The following ATXN7L1 variants were observed in gnomAD, a reference collection of about 807,000 sequenced individuals.
ATXN7L1 encodes ataxin 7 like 1.
In ATXN7L1, 15 loss-of-function variants were observed where a neutral mutation model predicts 70.8. The ratio of observed to expected loss-of-function variants is 0.21; its 90% CI spans 0.14 to 0.33. The LOEUF (loss-of-function observed/expected upper bound fraction) is 0.33. ATXN7L1 is among the 10% of genes least tolerant of loss of function. The pLI is 1.00. For synonymous variants in ATXN7L1, 440 were observed against 445.1 expected, an observed-to-expected ratio of 0.99 and a Z score of 0.14; for missense variants, 975 against 1,097.1, an observed-to-expected ratio of 0.89 and a Z score of 1.57.
At chr7:105,828,276 A>G (rs1336187078) in intron 2 of ATXN7L1, among the ~76,000 whole-genome samples, 1 of 152,190 alleles carries the variant, frequency 6.6e-6, no homozygotes, top group East Asian at 1.9e-4. Context: ...GTTAAGGAAC[A>G]TGGTATTCAG....
In ATXN7L1 at chr7:105,862,060, G is replaced by C. The variant is rs184612988; in HGVS notation, c.250+13752C>G. 2.4e-3 allele frequency among the ~76,000 whole-genome samples: 362 copies of C among 152,314 alleles called. 2 individuals carry two copies. The highest frequency in any genetic ancestry group is 8.2e-3 in the African/African-American group (341 of 41,566). On this transcript the variant is annotated intron_variant, in intron 2 of 11. Transcript: ENST00000419735. ...CAATGATGGAAGGAGTAACTCAAGG[G>C]AACAGAAGCCTGGAGTCTGGGGACT...
Position 105,607,472 on chromosome 7 carries a change from G to A in ATXN7L1, c.*380C>T, listed in dbSNP as rs943650761. ...GCTCTGCCTGTGCTACAGTTCAAGA[G>A]CTTCAGAGCATGCCAACCTGGAACC... On this transcript the variant is annotated 3_prime_UTR_variant, in exon 12 of 12. Coordinates refer to ENST00000419735, the MANE Select transcript of ATXN7L1 (RefSeq NM_020725.2). 4.6e-5 allele frequency: 11 copies of A among 241,198 alleles called. No individual in the cohort carries two copies. Among genetic ancestry groups the A allele is most frequent in the African/African-American group, 2.5e-4 (11 of 44,686 alleles). 14.9% of individuals were successfully genotyped at this position (241,198 alleles called of 1,614,324 possible).
intron 3 of ATXN7L1, among the ~76,000 whole-genome samples, chr7:105,706,547 C>A (rs1305726735): frequency 6.6e-6 from 1 of 151,974 alleles, no homozygotes; most frequent in Admixed American, 6.6e-5. Context: ...GCAAAAAACA[C>A]CACCACCACC....
intron 3 of ATXN7L1, among the ~76,000 whole-genome samples, chr7:105,712,819 G>C (rs1225621651): frequency 6.6e-6 from 1 of 152,160 alleles, no homozygotes; most frequent in South Asian, 2.1e-4. Flanking sequence ...CCTCCAAACT[G>C]TTCCAACCTC....
chr7:105,685,424 T>G (rs1477428156), intron 3 of ATXN7L1, among the ~76,000 whole-genome samples: 1 of 152,240 alleles, frequency 6.6e-6, no homozygotes, highest in Non-Finnish European at 1.5e-5. Context: ...AACCTATAGA[T>G]GTACTCAGGC....
intron 3 of ATXN7L1, among the ~76,000 whole-genome samples, chr7:105,771,207 A>G (rs1475925985): frequency 9.5e-5 from 12 of 126,122 alleles, no homozygotes; most frequent in Non-Finnish European, 1.8e-4. Context: ...CTCTGATAAT[A>G]ATAATAATAA....
chr7:105,619,275 G>A (rs899797597), intron 9 of ATXN7L1, among the ~76,000 whole-genome samples: 4 of 144,456 alleles, frequency 2.8e-5, no homozygotes, highest in Non-Finnish European at 6.0e-5. Flanking sequence ...AGCCTCCTGA[G>A]TAGCTGGGAT....
At chr7:105,760,534 C>G (rs992055205) in intron 3 of ATXN7L1, 5 of 985,890 alleles carry the variant, frequency 5.1e-6, no homozygotes, top group Non-Finnish European at 6.0e-6. Context: ...AATGAAATGT[C>G]ACGCTCCAGC....
intron 3 of ATXN7L1, among the ~76,000 whole-genome samples, chr7:105,686,268 C>A (rs1039570435): frequency 6.6e-6 from 1 of 152,216 alleles, no homozygotes; most frequent in Admixed American, 6.5e-5. Flanking sequence ...GTAATCCCAG[C>A]ACTTTGGGAA....
intron 3 of ATXN7L1, among the ~76,000 whole-genome samples, chr7:105,787,666 G>A (rs754446254): frequency 9.2e-5 from 14 of 152,184 alleles, no homozygotes; most frequent in Non-Finnish European, 1.5e-4. Context: ...AATTCGGAAC[G>A]TGAGAAAGGG....
chr7:105,777,258 G>C (rs1363893871), intron 3 of ATXN7L1, among the ~76,000 whole-genome samples: 1 of 152,230 alleles, frequency 6.6e-6, no homozygotes, highest in Non-Finnish European at 1.5e-5. Flanking sequence ...ATAAAACACT[G>C]AGGGTACTGC....
rs1465650719 is a variant in ATXN7L1 at position 105,673,310 on chromosome 7, A to G, written c.356-8022T>C. On this transcript the variant is annotated intron_variant, in intron 3 of 11. Coordinates refer to ENST00000419735, the MANE Select transcript of ATXN7L1 (RefSeq NM_020725.2). ...TCATGAATGGCTGAGCCGGCTGCAA[A>G]TACTCAAGGTGGCTCCCTGCACCAT... 2.6e-5 allele frequency among the ~76,000 whole-genome samples: 4 copies of G among 152,246 alleles called. No homozygotes were observed. The East Asian group carries it at 5.8e-4, about 22-fold the overall frequency.
intron 3 of ATXN7L1, among the ~76,000 whole-genome samples, chr7:105,750,230 C>A (rs1178571657): frequency 6.6e-6 from 1 of 151,570 alleles, no homozygotes; most frequent in African/African-American, 2.4e-5. Flanking sequence ...AAACAACATA[C>A]TTTGTGAGCA....
chr7:105,679,104 GGCAAC>G (rs1479754657), intron 3 of ATXN7L1: 1 of 985,988 alleles, frequency 1.0e-6, no homozygotes. Context: ...ACACACGCTG[GGCAAC>G]GCGACTCGTG....
At position 105,842,012 on chromosome 7, in the gene ATXN7L1, C is replaced by T. The variant is rs1242692082; in HGVS notation, c.250+33800G>A. On this transcript the variant is annotated intron_variant, in intron 2 of 11. Transcript: ENST00000419735. ...GCTGAGGAACTTGCCTGAAGTTGCC[C>T]GGCTGGAATGTGAGATGGGGAACTA... 2.6e-5 allele frequency among the ~76,000 whole-genome samples: 4 copies of T among 152,042 alleles called. No homozygotes were observed. The East Asian group carries it at 5.8e-4, about 22-fold the overall frequency.
intron 2 of ATXN7L1, among the ~76,000 whole-genome samples, chr7:105,831,683 G>A (rs533781585): frequency 1.3e-5 from 2 of 152,210 alleles, no homozygotes; most frequent in Non-Finnish European, 2.9e-5. Context: ...GACCCAAGAT[G>A]CCAGTAAAAT....
At chr7:105,703,111 G>A (rs1263522499) in intron 3 of ATXN7L1, among the ~76,000 whole-genome samples, 4 of 151,812 alleles carry the variant, frequency 2.6e-5, no homozygotes, top group East Asian at 1.9e-4. Flanking sequence ...GCAAGACTCC[G>A]TCTCAAAAAC....
chr7:105,739,225 G>A (rs1280745645), intron 3 of ATXN7L1, among the ~76,000 whole-genome samples: 2 of 152,088 alleles, frequency 1.3e-5, no homozygotes, highest in Non-Finnish European at 2.9e-5. Flanking sequence ...CATTAATCAC[G>A]CTTTTTGCCA....
intron 2 of ATXN7L1, among the ~76,000 whole-genome samples, chr7:105,845,290 A>G (rs2116618260): frequency 6.6e-6 from 1 of 152,014 alleles, no homozygotes; most frequent in East Asian, 1.9e-4. Context: ...TTAGGAAGAC[A>G]ATTTCATTTA....
Sources: gnomAD v4.1 joint callset for allele counts (sites outside exome capture counted in the v4.1 genomes callset) on GRCh38, gnomAD v4.1.1 for gene constraint, MANE v1.5 for transcripts, NCBI Gene and HGNC (gene_info 2026-07-23, HGNC 2026-07-21) for gene names.